The following SI variants were observed in gnomAD, a reference collection of about 807,000 sequenced individuals.
SI encodes sucrase-isomaltase.
SI carries 235 observed loss-of-function variants against 253.3 expected under a neutral mutation model. The observed-to-expected ratio is 0.93, with a 90% confidence interval of 0.83 to 1.03. SI has a LOEUF of 1.03. Among genes scored for constraint, SI ranks in the 50% least tolerant of loss-of-function variants. The pLI, the probability that SI is intolerant of heterozygous loss-of-function variation, is 0.00. For missense variants in SI, 2,442 were observed against 2,211.1 expected, an observed-to-expected ratio of 1.10 and a Z score of -2.09; for synonymous variants, 819 against 712.0, an observed-to-expected ratio of 1.15 and a Z score of -2.39.
intron 2 of SI, among the ~76,000 whole-genome samples, chr3:165,075,265 G>A (rs979743333): frequency 2.0e-5 from 3 of 151,852 alleles, no homozygotes; most frequent in African/African-American, 7.3e-5. Flanking sequence ...AGATTAACAG[G>A]AATAGGAAAT....
In SI at chr3:165,021,998, T is replaced by C. The variant is rs78622550; in HGVS notation, c.3100-615A>G. Reference sequence around the variant, plus strand: ...TTCATTTCCTACTTATGAGGTTTCATCTTTTTCTACATTATTATTCAACAT... The same window carrying C: ...TTCATTTCCTACTTATGAGGTTTCACCTTTTTCTACATTATTATTCAACAT... On this transcript the variant is annotated intron_variant, in intron 26 of 47. Coordinates refer to ENST00000264382, the MANE Select transcript of SI (RefSeq NM_001041.4). Among the ~76,000 whole-genome samples the C allele has an allele frequency of 2.3e-4, 35 of 151,778 alleles. No individual in the cohort carries two copies. The East Asian group carries it at 5.4e-3, about 24-fold the overall frequency.
At position 165,029,799 on chromosome 3, in the gene SI, T is replaced by C. The variant is rs1177645492; in HGVS notation, c.2892+913A>G. Among the ~76,000 whole-genome samples the C allele has an allele frequency of 4.0e-5, 6 of 150,476 alleles. No individual in the cohort carries two copies. In the East Asian group the frequency reaches 7.8e-4, roughly 20 times the overall value. ...GAATGCAAAGGGGAATGGATGTGTA[T>C]TTGGCTGAAAAGAGGCAACTTAAGA... On this transcript the variant is annotated intron_variant, in intron 25 of 47. Coordinates refer to ENST00000264382, the MANE Select transcript of SI (RefSeq NM_001041.4).
intron 13 of SI, among the ~76,000 whole-genome samples, chr3:165,050,218 T>C (rs924705189): frequency 1.3e-5 from 2 of 152,172 alleles, no homozygotes; most frequent in African/African-American, 4.8e-5. Context: ...TATTCATTGA[T>C]TCAATATGTT....
chr3:165,033,357 AT>A (rs1354004245), intron 23 of SI, 37 bp downstream of exon 23: 1 of 1,512,852 alleles, frequency 6.6e-7, no homozygotes, highest in Non-Finnish European at 8.9e-7. Context: ...GCATGAACAA[AT>A]TATGCATTTA....
At chr3:165,074,502 TA>T (rs748914312) in intron 3 of SI, 28 bp downstream of exon 3, 4 of 1,482,566 alleles carry the variant, frequency 2.7e-6, no homozygotes, top group Non-Finnish European at 3.7e-6. Context: ...ATATATTCAT[TA>T]AAAATATTAA....
At chr3:164,984,459 T>C (rs1576865679) in intron 45 of SI, among the ~76,000 whole-genome samples, 1 of 152,202 alleles carries the variant, frequency 6.6e-6, no homozygotes, top group East Asian at 1.9e-4. Flanking sequence ...AAATATACAA[T>C]TACAACTTAA....
At chr3:165,074,509 A>G (rs755115092) in intron 3 of SI, 22 bp downstream of exon 3, 1 of 1,533,304 alleles carries the variant, frequency 6.5e-7, no homozygotes, top group South Asian at 1.2e-5. Context: ...CATTAAAAAT[A>G]TTAAAGACTT....
chr3:165,023,595 T>C lies in SI; in HGVS notation c.3074A>G (p.His1025Arg). 6.2e-7 allele frequency: 1 copy of C among 1,610,598 alleles called. No homozygotes were observed. The highest frequency in any genetic ancestry group is 8.5e-7 in the Non-Finnish European group (1 of 1,177,738). The change falls in exon 26 of 48, where the codon CAC becomes CGC. Residue 1025 changes from histidine (H) to arginine (R), a missense_variant. His to Arg is a conservative substitution (Grantham distance 29). Transcript: ENST00000264382. The stretch of plus-strand genomic sequence containing the variant: ...CTTAAACTGCAACATATCATTTTTG[T>C]GATATTTCACCTCCACACGAAGAGT... ...ISTLRVEVKYHKNDMLQFKIY... is the reference protein window; with the variant it reads ...ISTLRVEVKYRKNDMLQFKIY...
intron 9 of SI, among the ~76,000 whole-genome samples, chr3:165,060,843 A>G (rs1248521038): frequency 6.8e-6 from 1 of 146,164 alleles, no homozygotes; most frequent in Non-Finnish European, 1.5e-5. Context: ...ATATACATAT[A>G]TATCTGGTAT....
intron 7 of SI, among the ~76,000 whole-genome samples, 160 bp from the exon 8 acceptor site, chr3:165,063,701 G>A (rs185007312): frequency 1.4e-3 from 205 of 150,374 alleles, no homozygotes; most frequent in Admixed American, 3.5e-3. Flanking sequence ...AAATATTATA[G>A]GTAAAACAAA....
rs961160800 is a variant in SI at position 165,013,042 on chromosome 3, C to T, written c.4000G>A (p.Val1334Ile). The T allele has an allele frequency of 9.4e-6, 15 of 1,597,276 alleles. No individual in the cohort carries two copies. In the Admixed American group the frequency reaches 1.7e-4, roughly 18 times the overall value. ...PNTNDICWAK[V>I]WPDLPNITID... is the part of the protein sequence containing the mutation. The stretch of plus-strand genomic sequence containing the variant: ...GTTATGTTGGGCAAATCTGGCCAAA[C>T]CTACAAGAGACAAGACATGGAAAAG... The change falls in exon 34 of 48, where the codon GTT becomes ATT. Residue 1334 changes from valine (V) to isoleucine (I), a missense_variant and splice_region_variant. Coordinates refer to ENST00000264382, the MANE Select transcript of SI (RefSeq NM_001041.4).
the SI span, among the ~76,000 whole-genome samples, chr3:165,090,150 A>T: frequency 6.3e-5 from 5 of 79,552 alleles, no homozygotes; most frequent in Non-Finnish European, 7.4e-5. Flanking sequence ...GCATTTATTT[A>T]AAAAAAAAAA....
intron 34 of SI, among the ~76,000 whole-genome samples, chr3:165,010,856 C>A (rs1464726774): frequency 1.3e-5 from 2 of 152,134 alleles, no homozygotes; most frequent in African/African-American, 4.8e-5. Context: ...ATATAAAAAT[C>A]CATGCCTGTC....
intron 28 of SI, among the ~76,000 whole-genome samples, chr3:165,018,485 TAA>T (rs1040762842): frequency 3.0e-4 from 46 of 150,886 alleles, no homozygotes; most frequent in African/African-American, 1.1e-3. Context: ...CTAGAAATGA[TAA>T]AAGTGATGAA....
In SI at chr3:165,006,955, C is replaced by G. The variant is rs1241484464; in HGVS notation, c.4268-1G>C. 2 of 1,601,922 alleles carry G rather than the reference C, an allele frequency of 1.2e-6. No individual in the cohort carries two copies. Among genetic ancestry groups the G allele is most frequent in the Non-Finnish European group, 1.7e-6 (2 of 1,170,730 alleles). On this transcript the variant is annotated splice_acceptor_variant, in intron 36 of 47. Transcript: ENST00000264382. LOFTEE classifies it high-confidence loss of function. ...AATCCATCAGTTCTTTTTGTGAGTT[C>G]TGGAAAGAATCAATGAAAAAATATT...
chr3:164,996,546 C>A lies in SI; in HGVS notation c.4681G>T (p.Ala1561Ser), dbSNP rs768264563. 6.5e-7 allele frequency: 1 copy of A among 1,527,950 alleles called. No homozygotes were observed. Among genetic ancestry groups the A allele is most frequent in the Admixed American group, 1.7e-5 (1 of 59,600 alleles). The allele number at this position is 1,527,950 out of a possible 1,614,324, so 94.6% of individuals were successfully genotyped here. A position where few individuals can be genotyped will look rare whatever the true frequency, so the allele number is the denominator to read the frequency against. The change falls in exon 40 of 48, where the codon GCA becomes TCA. Residue 1561 changes from alanine to serine, a missense_variant. Ala to Ser is a moderately conservative substitution (Grantham distance 99). Transcript: ENST00000264382. ...FYPYSRNHNI[A>S]NTRRQDPASW... ...TAGTAATTACATACTCTAGTATTTG[C>A]AATGTTGTGATTCCTTGAGTATGGA... is the stretch of plus-strand genomic sequence containing the variant.
At chr3:165,036,356 T>G in intron 22 of SI, 33 bp downstream of exon 22, 3 of 1,427,722 alleles carry the variant, frequency 2.1e-6, no homozygotes, top group Non-Finnish European at 3.0e-6. Flanking sequence ...ATTATCAGAG[T>G]GAACATTTAA....
chr3:165,032,489 G>C (rs2108205543), intron 24 of SI, 33 bp downstream of exon 24: 1 of 1,413,728 alleles, frequency 7.1e-7, no homozygotes, highest in South Asian at 1.2e-5. Flanking sequence ...GAGATTATAT[G>C]ATAGCTAAAA....
chr3:165,048,992 CT>C (rs1713283955), intron 15 of SI, 134 bp downstream of exon 15: 2 of 679,670 alleles, frequency 2.9e-6, no homozygotes, highest in Non-Finnish European at 5.4e-6. Context: ...AATGCCATAA[CT>C]TTTTAGCAGG....
Sources: allele counts gnomAD v4.1 joint callset (sites outside exome capture counted in the v4.1 genomes callset), GRCh38; gene constraint gnomAD v4.1.1; transcripts MANE v1.5; gene names NCBI Gene and HGNC (gene_info 2026-07-23, HGNC 2026-07-21).